Variants in EEFSEC observed in about 807,000 individuals in gnomAD.
EEFSEC encodes the protein eukaryotic elongation factor, selenocysteine-tRNA specific.
A neutral mutation model predicts 42.1 loss-of-function variants in EEFSEC; 43 were observed. The observed-to-expected ratio is 1.02, with a 90% CI of 0.80 to 1.32. EEFSEC has a LOEUF of 1.32. Ranked by LOEUF, EEFSEC falls within the 40% of genes most tolerant of loss-of-function variation. EEFSEC has a pLI of 0.00. For missense variants in EEFSEC, 745 were observed against 803.6 expected, an observed-to-expected ratio of 0.93 and a Z score of 0.88; for synonymous variants, 354 against 339.1, an observed-to-expected ratio of 1.04 and a Z score of -0.48.
At chr3:128,371,383 G>A (rs1397476279) in intron 6 of EEFSEC, among the ~76,000 whole-genome samples, 4 of 152,172 alleles carry the variant, frequency 2.6e-5, no homozygotes, top group African/African-American at 9.7e-5. Context: ...CTTGTGCCCT[G>A]CAGGGTGTTT....
rs557242605 is a variant in EEFSEC, at chr3:128,246,552, A to G, written c.317-284A>G. ...TGCAATAGAAAGGCACGGGTTTTGG[A>G]GTTAGATGAGCCTATACCTAAACCC... On this transcript the variant is annotated intron_variant, in intron 1 of 6. Coordinates refer to ENST00000254730, the MANE Select transcript of EEFSEC (RefSeq NM_021937.5). Among the ~76,000 whole-genome samples, 4 of 152,100 alleles carry G rather than the reference A, an allele frequency of 2.6e-5. No individual in the cohort carries two copies. In the South Asian group the frequency reaches 8.3e-4, roughly 32 times the overall value.
chr3:128,350,344 G>A (rs755991131), intron 5 of EEFSEC, among the ~76,000 whole-genome samples: 9 of 152,214 alleles, frequency 5.9e-5, no homozygotes, highest in Non-Finnish European at 1.0e-4. Context: ...CAGCTGCAGG[G>A]CCCCTCGCCC....
intron 1 of EEFSEC, among the ~76,000 whole-genome samples, chr3:128,227,447 C>T (rs1054188792): frequency 3.2e-4 from 48 of 152,148 alleles, no homozygotes; most frequent in African/African-American, 1.1e-3. Context: ...TGAGTCAGGG[C>T]CCTGAGCACT....
At chr3:128,173,118 C>T (rs1037147872) in intron 1 of EEFSEC, among the ~76,000 whole-genome samples, 2 of 152,128 alleles carry the variant, frequency 1.3e-5, no homozygotes, top group African/African-American at 4.8e-5. Context: ...CCGTGAAGCT[C>T]CTGTCCTGGC....
At chr3:128,282,682 A>G (rs1165391329) in intron 4 of EEFSEC, among the ~76,000 whole-genome samples, 2 of 152,156 alleles carry the variant, frequency 1.3e-5, no homozygotes, top group Non-Finnish European at 2.9e-5. Context: ...GATTTTCATC[A>G]TCTAGGTGCC....
At chr3:128,213,517 C>G (rs1046813027) in intron 1 of EEFSEC, among the ~76,000 whole-genome samples, 4 of 152,066 alleles carry the variant, frequency 2.6e-5, no homozygotes, top group Non-Finnish European at 2.9e-5. Context: ...CCTGAACGAT[C>G]CAGAGGAAGA....
At chr3:128,241,201 C>CCT (rs2066066782) in intron 1 of EEFSEC, among the ~76,000 whole-genome samples, 1 of 80,658 alleles carries the variant, frequency 1.2e-5, no homozygotes. Context: ...CTCTCTCTCT[C>CCT]TTTTTTTTTT....
Position 128,189,847 on chromosome 3 carries a change from A to G in EEFSEC, c.316+36024A>G, listed in dbSNP as rs72985536. On this transcript the variant is annotated intron_variant, in intron 1 of 6. Coordinates refer to ENST00000254730, the MANE Select transcript of EEFSEC (RefSeq NM_021937.5). ...AGTGCTAGGATGAGCCACTGTGCCC[A>G]GCCTCCTTCTACTTCCTTTTGTGTC... Among the ~76,000 whole-genome samples, 136 of 151,840 alleles carry G rather than the reference A, an allele frequency of 9.0e-4. 1 individual carries two copies. Among genetic ancestry groups the G allele is most frequent in the African/African-American group, 3.2e-3 (132 of 41,356 alleles).
intron 1 of EEFSEC, among the ~76,000 whole-genome samples, chr3:128,218,473 C>T (rs1348726505): frequency 4.6e-5 from 7 of 152,206 alleles, no homozygotes; most frequent in Non-Finnish European, 1.5e-5. Flanking sequence ...CTGGGCCAAG[C>T]GCAGTGTCCA....
chr3:128,296,975 C>T (rs1292977808), intron 4 of EEFSEC, among the ~76,000 whole-genome samples: 4 of 152,102 alleles, frequency 2.6e-5, no homozygotes, highest in Admixed American at 1.3e-4. Context: ...CCTCTGGAGT[C>T]CCAGAGGTTT....
chr3:128,390,815 G>A (rs748104576), intron 6 of EEFSEC, among the ~76,000 whole-genome samples: 9 of 152,174 alleles, frequency 5.9e-5, no homozygotes, highest in Admixed American at 2.6e-4. Flanking sequence ...TGATCACCCC[G>A]GCTCCATCTC....
chr3:128,266,113 C>T (rs1464607487), intron 4 of EEFSEC, among the ~76,000 whole-genome samples: 1 of 152,164 alleles, frequency 6.6e-6, no homozygotes, highest in East Asian at 1.9e-4. Context: ...GTTCTTAAGG[C>T]CTTCAACTGA....
intron 1 of EEFSEC, among the ~76,000 whole-genome samples, chr3:128,224,590 G>A (rs897554564): frequency 5.3e-5 from 8 of 152,146 alleles, no homozygotes; most frequent in South Asian, 4.1e-4. Flanking sequence ...AGATTTCACC[G>A]TGCTTGTTTC....
chr3:128,381,152 C>T (rs889426160), intron 6 of EEFSEC, among the ~76,000 whole-genome samples: 2 of 152,146 alleles, frequency 1.3e-5, no homozygotes. Context: ...CCCTGGCTTG[C>T]TCCATGTGAT....
intron 1 of EEFSEC, among the ~76,000 whole-genome samples, chr3:128,176,123 TAA>T (rs1236887374): frequency 1.3e-5 from 2 of 152,198 alleles, no homozygotes; most frequent in Middle Eastern, 3.2e-3. Context: ...TAATATGACT[TAA>T]GTTTTAATCT....
chr3:128,266,976 C>T (rs1011822735), intron 4 of EEFSEC, among the ~76,000 whole-genome samples: 7 of 152,122 alleles, frequency 4.6e-5, no homozygotes, highest in Non-Finnish European at 1.0e-4. Context: ...AGTCAGACCT[C>T]TGGGGGCCAC....
At chr3:128,395,817 T>C (rs2067974509) in intron 6 of EEFSEC, among the ~76,000 whole-genome samples, 1 of 152,204 alleles carries the variant, frequency 6.6e-6, no homozygotes, top group African/African-American at 2.4e-5. Context: ...GCCACAGCCA[T>C]GATCAGAATG....
intron 1 of EEFSEC, among the ~76,000 whole-genome samples, chr3:128,161,693 C>T (rs542313695): frequency 6.6e-6 from 1 of 152,174 alleles, no homozygotes; most frequent in Non-Finnish European, 1.5e-5. Flanking sequence ...TTTTTTCCAG[C>T]CTTCTGTGTT....
chr3:128,344,101 C>A (rs1273310954), intron 5 of EEFSEC, among the ~76,000 whole-genome samples: 3 of 152,236 alleles, frequency 2.0e-5, no homozygotes, highest in Non-Finnish European at 4.4e-5. Flanking sequence ...CCCCAACTCG[C>A]AACCCCCTGA....
Sources: allele counts gnomAD v4.1 joint callset (sites outside exome capture counted in the v4.1 genomes callset), GRCh38; gene constraint gnomAD v4.1.1; transcripts MANE v1.5; gene names NCBI Gene and HGNC (gene_info 2026-07-23, HGNC 2026-07-21).